The following MYOF variants were observed in gnomAD, a reference collection of about 807,000 sequenced individuals.
MYOF encodes the protein myoferlin.
MYOF carries 244 observed loss-of-function variants against 284.2 expected under a neutral mutation model. That is an observed-to-expected ratio of 0.86 (90% CI 0.77 to 0.95). The LOEUF is 0.95. MYOF is among the 40% of genes least tolerant of loss of function. The pLI, the probability that MYOF is intolerant of heterozygous loss-of-function variation, is 0.00. For synonymous variants in MYOF, 904 were observed against 919.7 expected, an observed-to-expected ratio of 0.98 and a Z score of 0.31; for missense variants, 2,496 against 2,560.6, an observed-to-expected ratio of 0.97 and a Z score of 0.54.
At chr10:93,362,273 T>G (rs964493032) in intron 27 of MYOF, among the ~76,000 whole-genome samples, 7 of 125,124 alleles carry the variant, frequency 5.6e-5, no homozygotes, top group Admixed American at 4.1e-4. Context: ...TGAGACAGAG[T>G]TTTGCTCTGT....
chr10:93,320,349 C>T (rs560151708), intron 48 of MYOF, among the ~76,000 whole-genome samples: 6,858 of 152,200 alleles, frequency 0.045, 536 homozygotes, highest in African/African-American at 0.16. Flanking sequence ...TGACTTTAGT[C>T]CTCACAACTA....
intron 16 of MYOF, among the ~76,000 whole-genome samples, chr10:93,394,444 TTG>T (rs1846869341): frequency 7.8e-6 from 1 of 128,498 alleles, no homozygotes; most frequent in African/African-American, 2.8e-5. Flanking sequence ...GGTCACCATC[TTG>T]TCTTTTTTTT....
At chr10:93,463,401 T>A (rs945130528) in intron 1 of MYOF, among the ~76,000 whole-genome samples, 2 of 143,584 alleles carry the variant, frequency 1.4e-5, no homozygotes, top group East Asian at 2.1e-4. Flanking sequence ...CAAATTTTTT[T>A]TTTTTTTTTT....
chr10:93,455,478 G>A (rs2134321978), intron 2 of MYOF, among the ~76,000 whole-genome samples: 1 of 151,986 alleles, frequency 6.6e-6, no homozygotes, highest in Admixed American at 6.6e-5. Flanking sequence ...GACCAGCCTG[G>A]GCAACACGGC....
At chr10:93,438,451 C>T (rs2056139524) in intron 3 of MYOF, among the ~76,000 whole-genome samples, 1 of 152,158 alleles carries the variant, frequency 6.6e-6, no homozygotes, top group Non-Finnish European at 1.5e-5. Flanking sequence ...CTCGGTTCAC[C>T]CCTCCACTTG....
intron 27 of MYOF, 99 bp downstream of exon 27, chr10:93,363,862 G>A: frequency 1.1e-6 from 1 of 907,108 alleles, no homozygotes; most frequent in South Asian, 1.5e-5. Flanking sequence ...AGATGGAGCG[G>A]AGGAGAGGTT....
At chr10:93,317,643 CAAAACA>C (rs1002412429) in intron 49 of MYOF, among the ~76,000 whole-genome samples, 6 of 152,104 alleles carry the variant, frequency 3.9e-5, no homozygotes, top group African/African-American at 1.4e-4. Context: ...AGAAACAAAA[CAAAACA>C]AAACAAACCA....
chr10:93,443,943 C>T (rs767558692), intron 3 of MYOF, among the ~76,000 whole-genome samples: 5 of 152,188 alleles, frequency 3.3e-5, no homozygotes, highest in African/African-American at 1.2e-4. Flanking sequence ...TGCCTGGCTC[C>T]AGAATCCCAA....
chr10:93,420,225 G>A (rs148728294), intron 5 of MYOF, among the ~76,000 whole-genome samples: 3 of 152,332 alleles, frequency 2.0e-5, no homozygotes, highest in Admixed American at 6.5e-5. Flanking sequence ...TGGACAGAGC[G>A]CAAATTTAAC....
chr10:93,462,997 A>G (rs562646330), intron 1 of MYOF, among the ~76,000 whole-genome samples: 6 of 152,202 alleles, frequency 3.9e-5, no homozygotes, highest in Admixed American at 6.5e-5. Context: ...AGCTCAGAAC[A>G]TAACAACTGA....
rs147074100 is a variant in MYOF at position 93,362,285 on chromosome 10, G to A, written c.2869-728C>T. 6.7e-3 allele frequency among the ~76,000 whole-genome samples: 1,018 copies of A among 151,004 alleles called. 12 individuals carry two copies. Among genetic ancestry groups the A allele is most frequent in the African/African-American group, 0.023 (951 of 41,132 alleles). The stretch of plus-strand genomic sequence containing the variant: ...TTTTGAGACAGAGTTTTGCTCTGTC[G>A]CCCAGGCTGGAGTGCAGTGGTGCAA... On this transcript the variant is annotated intron_variant, in intron 27 of 53. Transcript: ENST00000359263.
At chr10:93,459,125 A>G (rs570758099) in intron 1 of MYOF, among the ~76,000 whole-genome samples, 2 of 152,260 alleles carry the variant, frequency 1.3e-5, no homozygotes, top group East Asian at 3.9e-4. Flanking sequence ...TGCTCTCTCT[A>G]TGTGGCCTAC....
chr10:93,365,935 C>A (rs1254665619), intron 26 of MYOF, among the ~76,000 whole-genome samples: 1 of 152,152 alleles, frequency 6.6e-6, no homozygotes, highest in East Asian at 1.9e-4. Flanking sequence ...GGAATTCGGG[C>A]ATGAAAAAGT....
At chr10:93,310,445 A>G (rs1589367449) in intron 52 of MYOF, 89 bp downstream of exon 52, 1 of 1,335,426 alleles carries the variant, frequency 7.5e-7, no homozygotes, top group Non-Finnish European at 1.1e-6. Flanking sequence ...GAGGACCACA[A>G]AAGCTAATCC....
chr10:93,386,545 G>A (rs773612415), intron 19 of MYOF, among the ~76,000 whole-genome samples: 5 of 152,290 alleles, frequency 3.3e-5, no homozygotes, highest in East Asian at 1.9e-4. Flanking sequence ...TCCTGAGGCT[G>A]GGGGGTGGAG....
intron 46 of MYOF, among the ~76,000 whole-genome samples, chr10:93,324,786 CTTT>C (rs200490547): frequency 6.6e-6 from 1 of 150,744 alleles, no homozygotes; most frequent in Admixed American, 6.6e-5. Flanking sequence ...TTCTTTTTTT[CTTT>C]TTTTTTGTGA....
chr10:93,444,411 T>C (rs1158514263), intron 3 of MYOF, among the ~76,000 whole-genome samples: 2 of 152,226 alleles, frequency 1.3e-5, no homozygotes, highest in Non-Finnish European at 1.5e-5. Context: ...TGGTGGTGAA[T>C]GCTGAGCTAC....
chr10:93,418,212 A>G (rs1848213383), intron 5 of MYOF, among the ~76,000 whole-genome samples: 2 of 152,208 alleles, frequency 1.3e-5, no homozygotes, highest in African/African-American at 4.8e-5. Flanking sequence ...CAAGCACAAC[A>G]AAGGGCTGAT....
chr10:93,468,226 T>A (rs1028675809), intron 1 of MYOF, among the ~76,000 whole-genome samples: 2 of 152,226 alleles, frequency 1.3e-5, no homozygotes, highest in African/African-American at 2.4e-5. Context: ...ACTAGTATAT[T>A]TCACATAATT....
Sources: gnomAD v4.1 joint callset for allele counts (sites outside exome capture counted in the v4.1 genomes callset) on GRCh38, gnomAD v4.1.1 for gene constraint, MANE v1.5 for transcripts, NCBI Gene and HGNC (gene_info 2026-07-23, HGNC 2026-07-21) for gene names.